The following TTC8 variants were observed in gnomAD, a reference collection of about 807,000 sequenced individuals.
The protein encoded by TTC8 is tetratricopeptide repeat domain 8.
Under a neutral mutation model 72.5 loss-of-function variants are expected in TTC8, and 47 were observed. The ratio of observed to expected loss-of-function variants is 0.65; its 90% CI spans 0.51 to 0.83. The LOEUF is 0.83. TTC8 is among the 40% of genes least tolerant of loss of function. The pLI is 0.00. For synonymous variants in TTC8, 199 were observed against 221.4 expected, an observed-to-expected ratio of 0.90 and a Z score of 0.90; for missense variants, 611 against 623.2, an observed-to-expected ratio of 0.98 and a Z score of 0.21.
At chr14:88,849,743 C>T (rs560829168) in intron 7 of TTC8, among the ~76,000 whole-genome samples, 2 of 152,016 alleles carry the variant, frequency 1.3e-5, no homozygotes, top group African/African-American at 4.8e-5. Flanking sequence ...ACAGAGAACG[C>T]CATGCAGTGG....
At chr14:88,870,334 T>C (rs2094928740) in intron 11 of TTC8, 136 bp downstream of exon 11, 1 of 980,820 alleles carries the variant, frequency 1.0e-6, no homozygotes, top group Non-Finnish European at 1.6e-6. Flanking sequence ...CACTGAGATA[T>C]ATAATGAGCA....
chr14:88,873,340 T>C (rs1443915407), intron 13 of TTC8, among the ~76,000 whole-genome samples: 1 of 152,222 alleles, frequency 6.6e-6, no homozygotes. Context: ...AGGTCTTAGA[T>C]TAAATGCCAC....
At chr14:88,849,601 C>G (rs1400712325) in intron 7 of TTC8, among the ~76,000 whole-genome samples, 1 of 151,890 alleles carries the variant, frequency 6.6e-6, no homozygotes, top group African/African-American at 2.4e-5. Context: ...CCATGGAAAA[C>G]GATTTTTCTG....
chr14:88,844,344 T>A (rs2094795938), intron 7 of TTC8, among the ~76,000 whole-genome samples: 1 of 152,188 alleles, frequency 6.6e-6, no homozygotes, highest in Non-Finnish European at 1.5e-5. Flanking sequence ...TGCGTATGAC[T>A]TCTCAAATTG....
intron 3 of TTC8, among the ~76,000 whole-genome samples, 199 bp downstream of exon 3, chr14:88,839,771 A>G (rs1249195980): frequency 6.6e-6 from 1 of 152,158 alleles, no homozygotes; most frequent in Non-Finnish European, 1.5e-5. Context: ...CTTTTTCCCC[A>G]CAATTCAGTT....
At chr14:88,861,435 C>G in intron 10 of TTC8, 103 bp downstream of exon 10, 1 of 825,938 alleles carries the variant, frequency 1.2e-6, no homozygotes, top group East Asian at 2.8e-5. Context: ...GTGTAATGAT[C>G]AAATCAGGGT....
At chr14:88,852,674 T>G (rs1464459317) in intron 7 of TTC8, among the ~76,000 whole-genome samples, 1 of 152,188 alleles carries the variant, frequency 6.6e-6, no homozygotes, top group Admixed American at 6.5e-5. Context: ...GGGTAAAAAC[T>G]TAGGCATTTT....
rs184952059 is a variant in TTC8, at chr14:88,841,425, G to A, written c.490G>A (p.Ala164Thr). 8.1e-6 allele frequency: 13 copies of A among 1,613,408 alleles called. No individual in the cohort carries two copies. In the African/African-American group the frequency reaches 1.1e-4, roughly 13 times the overall value. ...TTGGTCTATTGTTTTTCCTCTGTAGGCTTCCATGCTTACAAGTCCTGATGG... is the reference window on the plus strand; with the variant it reads ...TTGGTCTATTGTTTTTCCTCTGTAGACTTCCATGCTTACAAGTCCTGATGG... ...SSGRFVRLGT[A>T]SMLTSPDGPF... is the part of the protein sequence containing the mutation. The change falls in exon 6 of 15, where the codon GCT becomes ACT. Residue 164 changes from alanine (A) to threonine (T), a missense_variant and splice_region_variant. Ala to Thr is a moderately conservative substitution (Grantham distance 58). Transcript: ENST00000380656.
At chr14:88,833,853 C>T (rs1595932048) in intron 2 of TTC8, 131 bp downstream of exon 2, 1 of 767,876 alleles carries the variant, frequency 1.3e-6, no homozygotes, top group African/African-American at 1.7e-5. Context: ...ATCTGTCAGA[C>T]ATTCTGTGCC....
chr14:88,860,382 G>C lies in TTC8; in HGVS notation c.799-840G>C, dbSNP rs943799456. 3.8e-4 allele frequency among the ~76,000 whole-genome samples: 58 copies of C among 152,124 alleles called. 1 individual carries two copies. The highest frequency in any genetic ancestry group is 1.3e-3 in the African/African-American group (55 of 41,414). Reference sequence around the variant, plus strand: ...TTTTAGAAATTCCTATTAAGTATATGGTTTACTCATGCTAATGTTCTAATT... The same window carrying C: ...TTTTAGAAATTCCTATTAAGTATATCGTTTACTCATGCTAATGTTCTAATT... On this transcript the variant is annotated intron_variant, in intron 9 of 14. Transcript: ENST00000380656.
rs370978546 is a variant in TTC8 at position 88,857,171 on chromosome 14, T to C, written c.711-19T>C. On this transcript the variant is annotated intron_variant, in intron 8 of 14. Transcript: ENST00000380656. The stretch of plus-strand genomic sequence containing the variant: ...TATTTTTAAGTTGAATGTCTAATTC[T>C]TAAAATTGCTATTTGTAGGTTGGGA... The C allele has an allele frequency of 6.2e-7, 1 of 1,611,430 alleles. No homozygotes were observed. Among genetic ancestry groups the C allele is most frequent in the Non-Finnish European group, 8.5e-7 (1 of 1,177,912 alleles).
chr14:88,862,541 CATATATATATATATAT>C (rs71130022), intron 10 of TTC8, among the ~76,000 whole-genome samples: 889 of 23,786 alleles, frequency 0.037, 27 homozygotes, highest in Admixed American at 0.052. Flanking sequence ...TCTCTCTCTC[CATATATATATATATAT>C]ATATATATAT....
At chr14:88,875,570 CAGTT>C (rs1444067095) in intron 14 of TTC8, among the ~76,000 whole-genome samples, 5 of 152,102 alleles carry the variant, frequency 3.3e-5, no homozygotes, top group African/African-American at 4.8e-5. Context: ...TGTTGCAAGT[CAGTT>C]AGTATCCGAA....
At chr14:88,857,314 C>G (rs1313116952) in intron 9 of TTC8, 37 bp downstream of exon 9, 2 of 1,559,590 alleles carry the variant, frequency 1.3e-6, no homozygotes, top group Non-Finnish European at 1.8e-6. Context: ...TCTGCCTTCT[C>G]AGAATAAATG....
rs919588367 is a variant in TTC8 at position 88,860,867 on chromosome 14, G to A, written c.799-355G>A. On this transcript the variant is annotated intron_variant, in intron 9 of 14. Transcript: ENST00000380656. Reference sequence around the variant, plus strand: ...TGTTGCCCAGGCTGGAGTGCAGTGCGATCACAGCTCACTGCGGCCTTGACC... The same window carrying A: ...TGTTGCCCAGGCTGGAGTGCAGTGCAATCACAGCTCACTGCGGCCTTGACC... 4.7e-5 allele frequency among the ~76,000 whole-genome samples: 7 copies of A among 150,160 alleles called. No homozygotes were observed. In the South Asian group the frequency reaches 6.3e-4, roughly 14 times the overall value.
intron 7 of TTC8, among the ~76,000 whole-genome samples, chr14:88,848,747 T>C (rs2094820138): frequency 6.6e-6 from 1 of 152,208 alleles, no homozygotes; most frequent in Non-Finnish European, 1.5e-5. Flanking sequence ...TATGCATTTA[T>C]GACAGATACT....
chr14:88,830,989 C>G (rs764734294), intron 1 of TTC8: 1 of 448,540 alleles, frequency 2.2e-6, no homozygotes, highest in Non-Finnish European at 4.5e-6. Context: ...GAGTCCTGCT[C>G]TGGGCCCAGA....
chr14:88,827,391 T>A (rs1417003054), intron 1 of TTC8, among the ~76,000 whole-genome samples: 1 of 152,258 alleles, frequency 6.6e-6, no homozygotes, highest in Non-Finnish European at 1.5e-5. Flanking sequence ...GTACCAGATC[T>A]GGAGGAAATT....
chr14:88,866,270 G>T (rs2094908796), intron 10 of TTC8, among the ~76,000 whole-genome samples: 1 of 151,772 alleles, frequency 6.6e-6, no homozygotes, highest in Non-Finnish European at 1.5e-5. Context: ...CAAAACAAAA[G>T]ATAAAAATAT....
Sources: allele counts gnomAD v4.1 joint callset (sites outside exome capture counted in the v4.1 genomes callset), GRCh38; gene constraint gnomAD v4.1.1; transcripts MANE v1.5; gene names NCBI Gene and HGNC (gene_info 2026-07-23, HGNC 2026-07-21).